Variants in THEMIS2 observed in about 807,000 individuals in gnomAD.
The protein encoded by THEMIS2 is protein THEMIS2.
Under a neutral mutation model 46.8 loss-of-function variants are expected in THEMIS2, and 29 were observed. The observed-to-expected ratio is 0.62, with a 90% CI of 0.46 to 0.84. THEMIS2 has a LOEUF of 0.84. Ranked by LOEUF, THEMIS2 falls within the 40% of genes least tolerant of loss-of-function variation. The probability of loss-of-function intolerance (pLI) is 0.00; values close to 1 mark genes in which losing one functional copy is unlikely to be tolerated. For missense variants in THEMIS2, 698 were observed against 834.7 expected, an observed-to-expected ratio of 0.84 and a Z score of 2.02; for synonymous variants, 335 against 349.1, an observed-to-expected ratio of 0.96 and a Z score of 0.45.
chr1:27,882,437 TGACCG>T lies in THEMIS2; in HGVS notation c.1115_1119del (p.Asp372AlafsTer16). ...CCGAGTTCACGTCCCTGGCTGTGGG[TGACCG>T]GCTGGAGGTGCTGGGGCCTGGCCAG... On this transcript the variant is annotated frameshift_variant, in exon 4 of 6. Coordinates refer to ENST00000373921, the MANE Select transcript of THEMIS2 (RefSeq NM_001105556.3). LOFTEE classifies it high-confidence loss of function. This position sits in a 1 kb window ranked among gnomAD's most constrained non-coding sequence, Gnocchi z 7.6. 6.2e-7 allele frequency: 1 copy of T among 1,612,364 alleles called. No individual in the cohort carries two copies. The highest frequency in any genetic ancestry group is 8.5e-7 in the Non-Finnish European group (1 of 1,178,792).
chr1:27,876,666 AGAAGGTGGTCTGT>A lies in THEMIS2; in HGVS notation c.176_188del (p.Lys59ArgfsTer62). 1.2e-6 allele frequency: 2 copies of A among 1,614,082 alleles called. No individual in the cohort carries two copies. Among genetic ancestry groups the A allele is most frequent in the Non-Finnish European group, 1.7e-6 (2 of 1,179,996 alleles). On this transcript the variant is annotated frameshift_variant, in exon 2 of 6. Coordinates refer to ENST00000373921, the MANE Select transcript of THEMIS2 (RefSeq NM_001105556.3). LOFTEE classifies it high-confidence loss of function. Reference sequence around the variant, plus strand: ...ATCAAGGTCACCCAGGTCCGCCTCCAGAAGGTGGTCTGTGAGAACCCGAAGACCAGCCAGACCA... The same window carrying A: ...ATCAAGGTCACCCAGGTCCGCCTCCAGAGAACCCGAAGACCAGCCAGACCA...
Position 27,872,556 on chromosome 1 carries a change from G to A in THEMIS2, c.-16G>A. On this transcript the variant is annotated 5_prime_UTR_variant, in exon 1 of 6. Coordinates refer to ENST00000373921, the MANE Select transcript of THEMIS2 (RefSeq NM_001105556.3). This position sits in a 1 kb window ranked among gnomAD's most constrained non-coding sequence, Gnocchi z 4.9. ...CCGCCCGCCCCTCAGTCTGAGCCCA[G>A]AGAGCCGCGGGGACCATGGAGCCGG... 6.7e-7 allele frequency: 1 copy of A among 1,482,480 alleles called. No homozygotes were observed. The highest frequency in any genetic ancestry group is 8.9e-7 in the Non-Finnish European group (1 of 1,119,536). 91.8% of individuals were successfully genotyped at this position (1,482,480 alleles called of 1,614,324 possible).
rs2089767554 is a variant in THEMIS2, at chr1:27,886,116, G to A, written c.*194G>A. On this transcript the variant is annotated 3_prime_UTR_variant, in exon 6 of 6. Transcript: ENST00000373921. ...GTTCTAGATTCTTGCTACTTAGGGC[G>A]GGCTGGTTTGGACCTAACATCTCGC... 1.7e-6 allele frequency: 1 copy of A among 589,024 alleles called. No individual in the cohort carries two copies. Among genetic ancestry groups the A allele is most frequent in the East Asian group, 2.9e-5 (1 of 34,240 alleles). 36.5% of individuals were successfully genotyped at this position (589,024 alleles called of 1,614,324 possible). A position where few individuals can be genotyped will look rare whatever the true frequency, so the allele number is the denominator to read the frequency against.
At chr1:27,884,544 G>A (rs1381937046) in intron 4 of THEMIS2, 1 of 152,216 alleles carries the variant, frequency 6.6e-6, no homozygotes, top group Admixed American at 6.5e-5. Flanking sequence ...TGCTGAAAAG[G>A]GTACTTTCCA....
At chr1:27,883,072 G>A in intron 4 of THEMIS2, 29 bp downstream of exon 4, 3 of 1,571,896 alleles carry the variant, frequency 1.9e-6, no homozygotes, top group Non-Finnish European at 2.6e-6. Flanking sequence ...AGGGCACGGA[G>A]GGGTCACCTA....
At chr1:27,879,341 T>C (rs1300411219) in intron 2 of THEMIS2, among the ~76,000 whole-genome samples, 1 of 151,416 alleles carries the variant, frequency 6.6e-6, no homozygotes, top group Admixed American at 6.6e-5. Context: ...GCTTGGAGAG[T>C]GTGGAAGTCT....
intron 3 of THEMIS2, 148 bp from the exon 4 acceptor site, chr1:27,881,823 C>T: frequency 1.6e-6 from 1 of 626,104 alleles, no homozygotes; most frequent in Non-Finnish European, 2.7e-6. Context: ...GGCACTCCAT[C>T]TCGAGTGAAA....
chr1:27,883,120 GT>G, intron 4 of THEMIS2, 77 bp downstream of exon 4: 1 of 1,282,662 alleles, frequency 7.8e-7, no homozygotes, highest in Non-Finnish European at 1.1e-6. Context: ...TGCCTGTCAT[GT>G]TTCTCTTGCA....
At position 27,872,748 on chromosome 1, in the gene THEMIS2, G is replaced by A; in HGVS notation, c.94+83G>A. The A allele has an allele frequency of 8.9e-7, 1 of 1,123,344 alleles. No individual in the cohort carries two copies. Among genetic ancestry groups the A allele is most frequent in the Non-Finnish European group, 1.1e-6 (1 of 878,064 alleles). 69.6% of individuals were successfully genotyped at this position (1,123,344 alleles called of 1,614,324 possible). A position where few individuals can be genotyped will look rare whatever the true frequency, so the allele number is the denominator to read the frequency against. ...CCCGGAGAAGACGTTAGCAATCCGG[G>A]GAAACTGCCCCTGGGTTCAAATCCC... On this transcript the variant is annotated intron_variant, in intron 1 of 5. Transcript: ENST00000373921. The surrounding 1 kb of genome is among the most constrained non-coding windows in gnomAD (Gnocchi z 4.9).
At chr1:27,885,559 C>G in intron 5 of THEMIS2, 108 bp downstream of exon 5, 1 of 1,387,080 alleles carries the variant, frequency 7.2e-7, no homozygotes, top group Non-Finnish European at 9.6e-7. Flanking sequence ...CTTCTATGGT[C>G]CCAGTTTGAT....
chr1:27,878,328 G>T (rs192906689), intron 2 of THEMIS2, among the ~76,000 whole-genome samples: 1 of 150,052 alleles, frequency 6.7e-6, no homozygotes, highest in Non-Finnish European at 1.5e-5. Flanking sequence ...CGAAGGCAAT[G>T]AGGAGCCAGT....
intron 3 of THEMIS2, among the ~76,000 whole-genome samples, chr1:27,880,743 C>T (rs911289112): frequency 1.3e-5 from 2 of 152,132 alleles, no homozygotes; most frequent in Non-Finnish European, 2.9e-5. Context: ...GCTATGATCA[C>T]ACCCTTGCAC....
In THEMIS2 at chr1:27,882,943, G is replaced by A. The variant is rs757881089; in HGVS notation, c.1619G>A (p.Arg540Gln). The change falls in exon 4 of 6, where the codon CGG becomes CAG. Residue 540 changes from arginine to glutamine, a missense_variant. Arg to Gln is a conservative substitution (Grantham distance 43). Coordinates refer to ENST00000373921, the MANE Select transcript of THEMIS2 (RefSeq NM_001105556.3). This position sits in a 1 kb window ranked among gnomAD's most constrained non-coding sequence, Gnocchi z 7.6. ...ACAGACACCTTCTATTATCGTCTTC[G>A]GAAGTTACCAGCCTGTGAGATCCAA... ...ELTDTFYYRL[R>Q]KLPACEIQAP... 8.1e-6 allele frequency: 13 copies of A among 1,613,770 alleles called. No homozygotes were observed. Among genetic ancestry groups the A allele is most frequent in the East Asian group, 6.7e-5 (3 of 44,848 alleles).
chr1:27,882,136 G>A lies in THEMIS2; in HGVS notation c.812G>A (p.Gly271Asp). The change falls in exon 4 of 6, where the codon GGC (glycine) becomes GAC (aspartate). Residue 271 changes from glycine to aspartate, a missense_variant. By Grantham distance (94) the Gly-to-Asp change is moderately conservative. Coordinates refer to ENST00000373921, the MANE Select transcript of THEMIS2 (RefSeq NM_001105556.3). This position sits in a 1 kb window ranked among gnomAD's most constrained non-coding sequence, Gnocchi z 7.6. ...LSMEILEVPE[G>D]RPIFLSPWVG... ...ATGGAGATCCTGGAGGTTCCTGAGG[G>A]CCGCCCCATCTTCCTCAGCCCGTGG... 6.2e-7 allele frequency: 1 copy of A among 1,614,226 alleles called. No homozygotes were observed. The highest frequency in any genetic ancestry group is 1.1e-5 in the South Asian group (1 of 91,092).
chr1:27,882,307 C>G lies in THEMIS2; in HGVS notation c.983C>G (p.Pro328Arg), dbSNP rs1277213778. The G allele has an allele frequency of 6.3e-7, 1 of 1,598,426 alleles. No homozygotes were observed. The highest frequency in any genetic ancestry group is 8.5e-7 in the Non-Finnish European group (1 of 1,171,388). ...TACCAAGGCAAGCTGCGGCGGCGGC[C>G]AAGGGAGTTCCCCACGGCCTATGAC... ...GGYQGKLRRR[P>R]REFPTAYDLL... Residue 328 changes from proline (P) to arginine (R), a missense_variant, in exon 4 of 6, where the codon CCA (proline) becomes CGA (arginine). Coordinates refer to ENST00000373921, the MANE Select transcript of THEMIS2 (RefSeq NM_001105556.3). The surrounding 1 kb of genome is among the most constrained non-coding windows in gnomAD (Gnocchi z 7.6).
chr1:27,883,301 T>C (rs2089717500), intron 4 of THEMIS2: 6 of 511,244 alleles, frequency 1.2e-5, no homozygotes, highest in Non-Finnish European at 2.1e-5. Context: ...GTGGGAGGAC[T>C]GAACTTGGCC....
In THEMIS2 at chr1:27,876,595, C is replaced by A. The variant is rs769663737; in HGVS notation, c.102C>A (p.Ile34=). Residue 34 remains isoleucine (I), a synonymous_variant, in exon 2 of 6, where the codon ATC becomes ATA. Transcript: ENST00000373921. ...VCSGVYFEGS[I]YEISGNECCL... ...GAGTCCTTGTCTCCGCAGGCTCCAT[C>A]TATGAGATCTCTGGGAATGAGTGCT... The A allele has an allele frequency of 1.9e-6, 3 of 1,613,834 alleles. No homozygotes were observed. In the South Asian group the frequency reaches 3.3e-5, roughly 18 times the overall value.
At chr1:27,876,514 G>C (rs2089582007) in intron 1 of THEMIS2, 74 bp from the exon 2 acceptor site, 1 of 1,562,126 alleles carries the variant, frequency 6.4e-7, no homozygotes, top group Non-Finnish European at 8.7e-7. Context: ...AGCAGAGCTT[G>C]TTGGGCACCA....
At position 27,886,016 on chromosome 1, in the gene THEMIS2, C is replaced by A; in HGVS notation, c.*94C>A. The stretch of plus-strand genomic sequence containing the variant: ...CCTCTAAAAGACCTCGGGCAAGTCT[C>A]ACAGAAACTGAGCTGCAGACGGGGA... On this transcript the variant is annotated 3_prime_UTR_variant, in exon 6 of 6. Coordinates refer to ENST00000373921, the MANE Select transcript of THEMIS2 (RefSeq NM_001105556.3). The A allele has an allele frequency of 8.3e-7, 1 of 1,211,928 alleles. No individual in the cohort carries two copies. The highest frequency in any genetic ancestry group is 1.2e-5 in the South Asian group (1 of 80,524). 75.1% of individuals were successfully genotyped at this position (1,211,928 alleles called of 1,614,324 possible).
Sources: gnomAD v4.1 joint callset for allele counts (sites outside exome capture counted in the v4.1 genomes callset) on GRCh38, gnomAD v4.1.1 for gene constraint, Gnocchi (gnomAD v3.1) non-coding constraint, MANE v1.5 for transcripts, NCBI Gene and HGNC (gene_info 2026-07-23, HGNC 2026-07-21) for gene names.